The following ZNF177 variants were observed in gnomAD, a reference collection of about 807,000 sequenced individuals.
ZNF177 encodes the protein zinc finger protein 177.
A neutral mutation model predicts 19.4 loss-of-function variants in ZNF177; 17 were observed. That is an observed-to-expected ratio of 0.87 (90% CI 0.60 to 1.31). The LOEUF (loss-of-function observed/expected upper bound fraction) is 1.31. Among genes scored for constraint, ZNF177 ranks in the 40% most tolerant of loss-of-function variants. The pLI, the probability that ZNF177 is intolerant of heterozygous loss-of-function variation, is 0.00. For synonymous variants in ZNF177, 220 were observed against 188.7 expected (o/e 1.17, Z -1.36); for missense variants, 633 against 561.8 (o/e 1.13, Z -1.28).
In ZNF177 at chr19:9,370,117, A is replaced by G. The variant is rs145999531; in HGVS notation, c.-304-1493A>G. Among the ~76,000 whole-genome samples, 388 of 152,078 alleles carry G rather than the reference A, an allele frequency of 2.6e-3. 1 individual carries two copies. Among genetic ancestry groups the G allele is most frequent in the South Asian group, 6.4e-3 (31 of 4,816 alleles). ...CAGGTCTTTATTTTAAAATGCCTTTATTTGACTCTCCATTTATTTTTCTTA... is the reference window on the plus strand; with the variant it reads ...CAGGTCTTTATTTTAAAATGCCTTTGTTTGACTCTCCATTTATTTTTCTTA... On this transcript the variant is annotated intron_variant, in intron 2 of 8. Transcript: ENST00000343499.
downstream of ZNF177, chr19:9,382,450 A>G: frequency 2.5e-6 from 1 of 398,638 alleles, no homozygotes; most frequent in Non-Finnish European, 4.4e-6. Context: ...GAGATACAAT[A>G]TTATCTGGTT....
chr19:9,380,454 G>T (rs2068177938), intron 5 of ZNF177: 1 of 928,890 alleles, frequency 1.1e-6, no homozygotes, highest in African/African-American at 1.7e-5. Flanking sequence ...GAAGCCCTTT[G>T]CTGGGAAGGA....
chr19:9,379,718 T>C (rs2068163238), intron 4 of ZNF177, 99 bp downstream of exon 6: 3 of 1,368,054 alleles, frequency 2.2e-6, no homozygotes, highest in East Asian at 5.0e-5. Context: ...GGCCATGACA[T>C]GAGCTTCCTT....
chr19:9,377,447 TAGG>T (rs2068125722), intron 1 of ZNF177, among the ~76,000 whole-genome samples: 1 of 152,162 alleles, frequency 6.6e-6, no homozygotes, highest in Non-Finnish European at 1.5e-5. Flanking sequence ...ATTGTCACCA[TAGG>T]AGATGTCAGC....
At chr19:9,380,822 G>C (rs1257909730) in exon 6 of ZNF177, 7 of 1,535,948 alleles carry the variant, frequency 4.6e-6, no homozygotes, top group African/African-American at 1.4e-5. Flanking sequence ...TCAACTCTTA[G>C]GAGTCATGTG....
upstream of ZNF177, among the ~76,000 whole-genome samples, chr19:9,372,802 C>T (rs1438789213): frequency 6.6e-6 from 1 of 152,112 alleles, no homozygotes; most frequent in African/African-American, 2.4e-5. Flanking sequence ...CCACCTTGGC[C>T]TCCCAAAGTG....
chr19:9,366,135 A>G (rs767314280), intron 2 of ZNF177, among the ~76,000 whole-genome samples: 5 of 152,118 alleles, frequency 3.3e-5, no homozygotes, highest in Admixed American at 6.6e-5. Flanking sequence ...GGCATGCTCC[A>G]CCACACCCGG....
At chr19:9,363,594 T>A (rs1287054468) in intron 1 of ZNF177, among the ~76,000 whole-genome samples, 2 of 152,190 alleles carry the variant, frequency 1.3e-5, no homozygotes, top group East Asian at 3.9e-4. Context: ...TCAAGGTTTA[T>A]TTTTGAAAGT....
upstream of ZNF177, among the ~76,000 whole-genome samples, chr19:9,374,743 T>A (rs1272679017): frequency 6.6e-6 from 1 of 152,192 alleles, no homozygotes; most frequent in African/African-American, 2.4e-5. Flanking sequence ...CATGTTAGTT[T>A]TAACATTTTT....
chr19:9,379,605 AAGGTGACTGTGC>A, exon 4 of ZNF177: 1 of 1,613,814 alleles, frequency 6.2e-7, no homozygotes, highest in Non-Finnish European at 8.5e-7. Context: ...GGAATTTTAC[AAGGTGACTGTGC>A]AGGTGAGCCT....
exon 6 of ZNF177, chr19:9,381,719 C>G (rs1375758207): frequency 5.6e-6 from 9 of 1,613,770 alleles, no homozygotes; most frequent in African/African-American, 5.3e-5. Flanking sequence ...GCCTTTAGCA[C>G]AAGCACTAAC....
chr19:9,367,347 C>G (rs1341944837), intron 2 of ZNF177, among the ~76,000 whole-genome samples: 2 of 151,988 alleles, frequency 1.3e-5, no homozygotes, highest in Non-Finnish European at 2.9e-5. Flanking sequence ...AATAAGCTGG[C>G]TGAATTAAAT....
At chr19:9,380,711 G>A in exon 6 of ZNF177, 2 of 1,535,906 alleles carry the variant, frequency 1.3e-6, no homozygotes, top group Non-Finnish European at 8.7e-7. Flanking sequence ...TGTAACCATT[G>A]TGGGAAATTC....
intron 2 of ZNF177, among the ~76,000 whole-genome samples, chr19:9,365,572 G>A (rs893718466): frequency 6.6e-6 from 1 of 152,108 alleles, no homozygotes; most frequent in Non-Finnish European, 1.5e-5. Flanking sequence ...GCCGCTAAGG[G>A]TGAAGGACCA....
intron 2 of ZNF177, among the ~76,000 whole-genome samples, chr19:9,370,847 A>G (rs901584728): frequency 6.6e-6 from 1 of 152,222 alleles, no homozygotes; most frequent in African/African-American, 2.4e-5. Context: ...GCCAACAGAT[A>G]CAGAGGGCTG....
chr19:9,367,458 C>G (rs1320092966), intron 2 of ZNF177, among the ~76,000 whole-genome samples: 8 of 152,174 alleles, frequency 5.3e-5, no homozygotes, highest in African/African-American at 1.7e-4. Context: ...TTCTTTTGCT[C>G]TATTAATGAA....
At chr19:9,365,984 T>C (rs748874498) in intron 2 of ZNF177, among the ~76,000 whole-genome samples, 11 of 151,692 alleles carry the variant, frequency 7.3e-5, no homozygotes, top group Non-Finnish European at 1.2e-4. Context: ...CCAAGGGAGG[T>C]CCCCAGATCT....
chr19:9,379,318 G>T, intron 3 of ZNF177: 1 of 1,052,854 alleles, frequency 9.5e-7, no homozygotes. Flanking sequence ...CTTGTGTATA[G>T]GTTTCAAGGG....
upstream of ZNF177, among the ~76,000 whole-genome samples, chr19:9,374,556 G>C (rs2068086117): frequency 6.6e-6 from 1 of 151,960 alleles, no homozygotes; most frequent in African/African-American, 2.4e-5. Flanking sequence ...ACTTTCACCA[G>C]TGTTTTAGAA....
Sources: allele counts gnomAD v4.1 joint callset (sites outside exome capture counted in the v4.1 genomes callset), GRCh38; gene constraint gnomAD v4.1.1; transcripts MANE v1.5; gene names NCBI Gene and HGNC (gene_info 2026-07-23, HGNC 2026-07-21).